The following SPRED1 variants were observed in gnomAD, a reference collection of about 807,000 sequenced individuals.
SPRED1 encodes sprouty related EVH1 domain containing 1.
SPRED1 carries 18 observed loss-of-function variants against 52.3 expected under a neutral mutation model. The observed-to-expected ratio is 0.34, with a 90% CI of 0.24 to 0.51. The LOEUF (loss-of-function observed/expected upper bound fraction) is 0.51, where lower values mean the gene tolerates loss of function less well. Among genes scored for constraint, SPRED1 ranks in the 20% least tolerant of loss-of-function variants. The pLI is 0.97. For synonymous variants in SPRED1, 155 were observed against 179.7 expected, an observed-to-expected ratio of 0.86 and a Z score of 1.10; for missense variants, 485 against 551.0, an observed-to-expected ratio of 0.88 and a Z score of 1.20.
chr15:38,323,610 A>G (rs1176564926), intron 3 of SPRED1, among the ~76,000 whole-genome samples: 4 of 93,994 alleles, frequency 4.3e-5, no homozygotes, highest in Admixed American at 1.3e-4. Context: ...GAATTTGAAG[A>G]AAAAAAAATA....
chr15:38,301,826 T>C (rs1895153761), intron 2 of SPRED1, among the ~76,000 whole-genome samples: 1 of 152,056 alleles, frequency 6.6e-6, no homozygotes, highest in Non-Finnish European at 1.5e-5. Context: ...ATTCATTGGT[T>C]ATTCATTGGT....
In SPRED1 at chr15:38,351,764, G is replaced by A. The variant is rs954339455; in HGVS notation, c.*100G>A. The A allele has an allele frequency of 7.3e-7, 1 of 1,377,828 alleles. No homozygotes were observed. The highest frequency in any genetic ancestry group is 1.0e-6 in the Non-Finnish European group (1 of 998,134). 85.4% of individuals were successfully genotyped at this position (1,377,828 alleles called of 1,614,324 possible). Reference sequence around the variant, plus strand: ...GGCAAGCAATATGGAATCTTGCCTGGTATCATTGAGCCCACACATGGAGGA... The same window carrying A: ...GGCAAGCAATATGGAATCTTGCCTGATATCATTGAGCCCACACATGGAGGA... On this transcript the variant is annotated 3_prime_UTR_variant, in exon 7 of 7. Transcript: ENST00000299084.
chr15:38,297,067 C>T (rs1895055960), intron 1 of SPRED1, among the ~76,000 whole-genome samples: 2 of 152,144 alleles, frequency 1.3e-5, no homozygotes, highest in South Asian at 2.1e-4. Flanking sequence ...AATGAACCTA[C>T]TGGTGCCTTG....
chr15:38,264,493 T>A (rs1894264233), intron 1 of SPRED1, among the ~76,000 whole-genome samples: 1 of 152,146 alleles, frequency 6.6e-6, no homozygotes, highest in Admixed American at 6.5e-5. Context: ...TCCAGAGTGA[T>A]GACATGTGAG....
chr15:38,287,259 A>G (rs1387693675), intron 1 of SPRED1, among the ~76,000 whole-genome samples: 1 of 151,962 alleles, frequency 6.6e-6, no homozygotes, highest in Non-Finnish European at 1.5e-5. Context: ...TTTCTCATTT[A>G]TTTGTCTAGT....
intron 2 of SPRED1, among the ~76,000 whole-genome samples, chr15:38,308,038 A>G (rs900205098): frequency 3.9e-5 from 6 of 152,154 alleles, no homozygotes; most frequent in African/African-American, 1.4e-4. Flanking sequence ...AGGAATTTCT[A>G]ATGTTGCACA....
At chr15:38,313,655 A>G (rs932574380) in intron 2 of SPRED1, among the ~76,000 whole-genome samples, 1 of 151,246 alleles carries the variant, frequency 6.6e-6, no homozygotes, top group East Asian at 1.9e-4. Flanking sequence ...ATATTATATC[A>G]TATTATATTC....
rs939474117 is a variant in SPRED1 at position 38,297,475 on chromosome 15, C to T, written c.33-1898C>T. Among the ~76,000 whole-genome samples the T allele has an allele frequency of 1.4e-4, 21 of 152,180 alleles. No homozygotes were observed. The South Asian group carries it at 1.5e-3, about 11-fold the overall frequency. On this transcript the variant is annotated intron_variant, in intron 1 of 6. Transcript: ENST00000299084. ...TATCTACATCAACCCAACCTTCATGCACCCGCACTTCCTCTGACTGTTTCT... is the reference window on the plus strand; with the variant it reads ...TATCTACATCAACCCAACCTTCATGTACCCGCACTTCCTCTGACTGTTTCT...
intron 4 of SPRED1, among the ~76,000 whole-genome samples, chr15:38,335,073 T>G (rs1895885056): frequency 6.6e-6 from 1 of 152,082 alleles, no homozygotes; most frequent in Non-Finnish European, 1.5e-5. Context: ...GTCAGTATGT[T>G]TTTATATACT....
chr15:38,254,518 ATAAT>A (rs1318051589), intron 1 of SPRED1, among the ~76,000 whole-genome samples: 1 of 152,236 alleles, frequency 6.6e-6, no homozygotes, highest in African/African-American at 2.4e-5. Flanking sequence ...CATAAAAAAA[ATAAT>A]TAAACATCCA....
intron 1 of SPRED1, among the ~76,000 whole-genome samples, chr15:38,261,131 G>A (rs892704915): frequency 5.9e-5 from 9 of 152,140 alleles, no homozygotes; most frequent in Non-Finnish European, 1.2e-4. Context: ...GAAATGATAC[G>A]ATCTTAATAA....
At chr15:38,315,998 AG>A (rs887104460) in intron 2 of SPRED1, among the ~76,000 whole-genome samples, 1 of 152,022 alleles carries the variant, frequency 6.6e-6, no homozygotes, top group African/African-American at 2.4e-5. Flanking sequence ...AAAGCCTACA[AG>A]CTTAACTAAT....
At position 38,356,455 on chromosome 15, in the gene SPRED1, A is replaced by C. The variant is rs1888623667; in HGVS notation, c.*4791A>C. 1 of 152,144 alleles carries C rather than the reference A, an allele frequency of 6.6e-6. No individual in the cohort carries two copies. The highest frequency in any genetic ancestry group is 1.5e-5 in the Non-Finnish European group (1 of 67,978). 9.4% of individuals were successfully genotyped at this position (152,144 alleles called of 1,614,324 possible). A position where few individuals can be genotyped will look rare whatever the true frequency, so the allele number is the denominator to read the frequency against. ...CCTGATTAAACCTGTCATGAATTAT[A>C]AAAGGACTTTTTCTTATTCTCCTAG... is the stretch of plus-strand genomic sequence containing the variant. On this transcript the variant is annotated 3_prime_UTR_variant, in exon 7 of 7. Transcript: ENST00000299084.
intron 1 of SPRED1, among the ~76,000 whole-genome samples, chr15:38,258,171 C>G (rs1299665195): frequency 6.6e-6 from 1 of 152,046 alleles, no homozygotes; most frequent in African/African-American, 2.4e-5. Context: ...ACATGGAAAC[C>G]TTTCTTATGA....
intron 2 of SPRED1, among the ~76,000 whole-genome samples, chr15:38,316,753 T>TTTG (rs1895491373): frequency 6.8e-6 from 1 of 146,372 alleles, no homozygotes; most frequent in Non-Finnish European, 1.5e-5. Flanking sequence ...TATATGTTTT[T>TTTG]TTTTTTTTTT....
At position 38,253,108 on chromosome 15, in the gene SPRED1, C is replaced by A. The variant is rs1241188159; in HGVS notation, c.-78C>A. The stretch of plus-strand genomic sequence containing the variant: ...CGCGCCCCCCCGGCCGCCGCTGCCT[C>A]CTGCCCCTCGGTGCTGCTGTTGCTC... On this transcript the variant is annotated 5_prime_UTR_variant, in exon 1 of 7. Coordinates refer to ENST00000299084, the MANE Select transcript of SPRED1 (RefSeq NM_152594.3). 6 of 1,379,650 alleles carry A rather than the reference C, an allele frequency of 4.3e-6. No individual in the cohort carries two copies. The highest frequency in any genetic ancestry group is 3.6e-4 in the Middle Eastern group (2 of 5,514). The allele number at this position is 1,379,650 out of a possible 1,614,324, so 85.5% of individuals were successfully genotyped here.
intron 1 of SPRED1, among the ~76,000 whole-genome samples, chr15:38,284,093 T>C (rs1522788): frequency 0.83 from 125,541 of 152,090 alleles, 52,566 homozygotes; most frequent in Non-Finnish European, 0.9. Context: ...TTTTAAGGCA[T>C]ATTTGATACA....
intron 5 of SPRED1, among the ~76,000 whole-genome samples, chr15:38,345,425 T>G (rs991533048): frequency 3.3e-5 from 5 of 152,190 alleles, no homozygotes; most frequent in Non-Finnish European, 5.9e-5. Flanking sequence ...GGTAAGTTGA[T>G]GGATCCTTTT....
chr15:38,341,820 G>C (rs1020829736), intron 5 of SPRED1, among the ~76,000 whole-genome samples: 1 of 151,940 alleles, frequency 6.6e-6, no homozygotes. Context: ...TTTAGTAGTT[G>C]GGTATAGCAG....
Sources: allele counts gnomAD v4.1 joint callset (sites outside exome capture counted in the v4.1 genomes callset), GRCh38; gene constraint gnomAD v4.1.1; transcripts MANE v1.5; gene names NCBI Gene and HGNC (gene_info 2026-07-23, HGNC 2026-07-21).